The following PTPRK variants were observed in gnomAD, a reference collection of about 807,000 sequenced individuals.
PTPRK encodes the protein receptor-type tyrosine-protein phosphatase kappa.
A neutral mutation model predicts 178.0 loss-of-function variants in PTPRK; 75 were observed. That is an observed-to-expected ratio of 0.42 (90% CI 0.35 to 0.51). The LOEUF (loss-of-function observed/expected upper bound fraction) is 0.51, where lower values mean the gene tolerates loss of function less well. Ranked by LOEUF, PTPRK falls within the 20% of genes least tolerant of loss-of-function variation. PTPRK has a pLI of 0.02. For synonymous variants in PTPRK, 637 were observed against 620.6 expected, an observed-to-expected ratio of 1.03 and a Z score of -0.39; for missense variants, 1,441 against 1,797.8, an observed-to-expected ratio of 0.80 and a Z score of 3.59.
intron 1 of PTPRK, among the ~76,000 whole-genome samples, chr6:128,428,519 A>G (rs1382147452): frequency 6.6e-6 from 1 of 152,228 alleles, no homozygotes; most frequent in African/African-American, 2.4e-5. Flanking sequence ...GGAACGTCAT[A>G]CAGAGTGCTA....
At chr6:128,235,801 T>C (rs1044202790) in intron 5 of PTPRK, among the ~76,000 whole-genome samples, 7 of 151,990 alleles carry the variant, frequency 4.6e-5, no homozygotes, top group Non-Finnish European at 1.0e-4. Context: ...TTCTGACATA[T>C]TGTCAGAAGG....
At chr6:127,987,588 T>G (rs925535233) in intron 21 of PTPRK, among the ~76,000 whole-genome samples, 12 of 152,162 alleles carry the variant, frequency 7.9e-5, no homozygotes, top group Admixed American at 5.2e-4. Flanking sequence ...TTTAAATAAA[T>G]GTTTATACAT....
At chr6:128,192,062 A>G (rs987458835) in intron 6 of PTPRK, among the ~76,000 whole-genome samples, 9 of 152,208 alleles carry the variant, frequency 5.9e-5, no homozygotes, top group African/African-American at 2.2e-4. Flanking sequence ...AGAAATAGAT[A>G]TGTGTAAAGT....
intron 3 of PTPRK, among the ~76,000 whole-genome samples, chr6:128,243,109 T>C (rs1814762224): frequency 6.6e-6 from 1 of 152,000 alleles, no homozygotes; most frequent in African/African-American, 2.4e-5. Context: ...TGAAAAAGAT[T>C]GGGATGGCAT....
intron 2 of PTPRK, among the ~76,000 whole-genome samples, chr6:128,360,601 CTA>C (rs966538011): frequency 5.3e-5 from 8 of 152,164 alleles, no homozygotes; most frequent in South Asian, 4.1e-4. Flanking sequence ...ACCCATTCTT[CTA>C]TGTCTTCTAC....
chr6:128,188,385 C>A (rs1209431432), intron 6 of PTPRK, among the ~76,000 whole-genome samples: 1 of 151,848 alleles, frequency 6.6e-6, no homozygotes, highest in Non-Finnish European at 1.5e-5. Context: ...TAATAAAATG[C>A]AGAATAAAAA....
chr6:128,390,907 A>T (rs1584492910), intron 2 of PTPRK, among the ~76,000 whole-genome samples: 1 of 152,094 alleles, frequency 6.6e-6, no homozygotes, highest in Admixed American at 6.5e-5. Context: ...ATGCTTTTCT[A>T]AAAGTGCTTG....
chr6:128,102,462 T>C (rs764952372), intron 7 of PTPRK, among the ~76,000 whole-genome samples: 4 of 152,190 alleles, frequency 2.6e-5, no homozygotes, highest in Non-Finnish European at 5.9e-5. Flanking sequence ...GTTACAAATG[T>C]GGTCTTTTCC....
intron 2 of PTPRK, among the ~76,000 whole-genome samples, chr6:128,358,815 T>A (rs1834311117): frequency 6.6e-6 from 1 of 152,218 alleles, no homozygotes; most frequent in South Asian, 2.1e-4. Flanking sequence ...AATGAAAGGC[T>A]TGCTTCAATT....
chr6:128,052,404 T>C (rs1211749573), intron 13 of PTPRK, among the ~76,000 whole-genome samples: 1 of 152,208 alleles, frequency 6.6e-6, no homozygotes, highest in Non-Finnish European at 1.5e-5. Context: ...TAGTTATATT[T>C]AGTTGCTATA....
chr6:128,021,333 G>A (rs1189291456), intron 13 of PTPRK, among the ~76,000 whole-genome samples: 1 of 152,102 alleles, frequency 6.6e-6, no homozygotes. Flanking sequence ...GGACCCTTTT[G>A]ATAAGAAAGT....
At chr6:128,288,063 T>C (rs139033747) in intron 3 of PTPRK, among the ~76,000 whole-genome samples, 49 of 152,302 alleles carry the variant, frequency 3.2e-4, no homozygotes, top group African/African-American at 9.6e-4. Context: ...GGCTTTCTCA[T>C]TGAAGCAGAC....
chr6:128,017,833 T>TATATATATATATATATATA (rs1779790519), intron 13 of PTPRK, among the ~76,000 whole-genome samples: 4 of 137,300 alleles, frequency 2.9e-5, no homozygotes, highest in African/African-American at 1.1e-4. Flanking sequence ...TATATATATA[T>TATATATATATATATATATA]TTGGCAGAAT....
chr6:128,200,902 AGG>A (rs1562779219), intron 6 of PTPRK, among the ~76,000 whole-genome samples: 2 of 34,522 alleles, frequency 5.8e-5, no homozygotes, highest in African/African-American at 1.0e-4. Flanking sequence ...GGAGGGAGGG[AGG>A]GAGGGAGGGA....
chr6:128,178,946 T>C (rs1037866993), intron 7 of PTPRK, among the ~76,000 whole-genome samples: 29 of 151,932 alleles, frequency 1.9e-4, no homozygotes, highest in African/African-American at 6.5e-4. Context: ...ACCTGAAAAT[T>C]AGCAGAATGT....
At chr6:128,019,357 T>C (rs9491902) in intron 13 of PTPRK, among the ~76,000 whole-genome samples, 3,116 of 152,142 alleles carry the variant, frequency 0.02, 112 homozygotes, top group African/African-American at 0.072. Context: ...AGGTGGGGGA[T>C]ACAATAGAGG....
intron 13 of PTPRK, among the ~76,000 whole-genome samples, chr6:128,019,794 T>C (rs1773206201): frequency 6.6e-6 from 1 of 152,164 alleles, no homozygotes; most frequent in Non-Finnish European, 1.5e-5. Context: ...AGGACTTCCA[T>C]ACTGAGAATT....
chr6:127,991,089 T>G (rs1051904109), intron 20 of PTPRK, among the ~76,000 whole-genome samples: 1 of 151,940 alleles, frequency 6.6e-6, no homozygotes, highest in Non-Finnish European at 1.5e-5. Flanking sequence ...TAGATTCCAG[T>G]ACAAAATTAA....
chr6:128,101,916 G>T (rs770303881), intron 7 of PTPRK, among the ~76,000 whole-genome samples: 1 of 152,110 alleles, frequency 6.6e-6, no homozygotes, highest in East Asian at 1.9e-4. Flanking sequence ...TATTCTTTCA[G>T]TGACAGCTTG....
Sources: allele counts gnomAD v4.1 joint callset (sites outside exome capture counted in the v4.1 genomes callset), GRCh38; gene constraint gnomAD v4.1.1; transcripts MANE v1.5; gene names NCBI Gene and HGNC (gene_info 2026-07-23, HGNC 2026-07-21).